TSPAN5: variants seen among roughly 807,000 people sequenced by gnomAD.
The protein encoded by TSPAN5 is tetraspanin-5.
TSPAN5 carries 10 observed loss-of-function variants against 37.1 expected under a neutral mutation model. That is an observed-to-expected ratio of 0.27 (90% confidence interval 0.17 to 0.46). The LOEUF (loss-of-function observed/expected upper bound fraction) is 0.46, where lower values mean the gene tolerates loss of function less well. Among genes scored for constraint, TSPAN5 ranks in the 20% least tolerant of loss-of-function variants. The pLI, the probability that TSPAN5 is intolerant of heterozygous loss-of-function variation, is 1.00. For missense variants in TSPAN5, 195 were observed against 326.6 expected, an observed-to-expected ratio of 0.60 and a Z score of 3.11; for synonymous variants, 110 against 118.9, an observed-to-expected ratio of 0.93 and a Z score of 0.48.
chr4:98,591,781 C>T (rs1203214762), intron 1 of TSPAN5, among the ~76,000 whole-genome samples: 2 of 150,672 alleles, frequency 1.3e-5, no homozygotes, highest in African/African-American at 2.4e-5. Flanking sequence ...ACATGCATTA[C>T]GTTCCCATTA....
intron 2 of TSPAN5, among the ~76,000 whole-genome samples, chr4:98,500,935 T>A (rs897833610): frequency 6.6e-6 from 1 of 152,090 alleles, no homozygotes; most frequent in Non-Finnish European, 1.5e-5. Flanking sequence ...AATGGGAACA[T>A]TCAATTCACA....
chr4:98,485,429 G>T (rs1752939039), intron 3 of TSPAN5: 1 of 152,336 alleles, frequency 6.6e-6, no homozygotes, highest in African/African-American at 2.4e-5. Context: ...GGAAGGATCT[G>T]GCAGATAAGG....
At chr4:98,569,276 A>T (rs1755069133) in intron 1 of TSPAN5, among the ~76,000 whole-genome samples, 1 of 152,240 alleles carries the variant, frequency 6.6e-6, no homozygotes. Context: ...ATTTTAAGGC[A>T]GTAAGCAGAC....
At chr4:98,611,929 T>A (rs1553917289) in intron 1 of TSPAN5, among the ~76,000 whole-genome samples, 1 of 152,206 alleles carries the variant, frequency 6.6e-6, no homozygotes, top group Non-Finnish European at 1.5e-5. Flanking sequence ...CCACCCTCAT[T>A]TGCCCTTCAG....
intron 1 of TSPAN5, among the ~76,000 whole-genome samples, chr4:98,547,977 A>G (rs1362054915): frequency 7.0e-6 from 1 of 143,588 alleles, no homozygotes; most frequent in Admixed American, 7.5e-5. Context: ...ATGCCACTAC[A>G]CTCCAGCCTG....
chr4:98,612,079 C>T (rs188500225), intron 1 of TSPAN5, among the ~76,000 whole-genome samples: 2 of 152,360 alleles, frequency 1.3e-5, no homozygotes, highest in Admixed American at 1.3e-4. Context: ...CAGACACTGT[C>T]ACCTGTCAGT....
chr4:98,561,755 G>A (rs1047679056), intron 1 of TSPAN5, among the ~76,000 whole-genome samples: 8 of 152,214 alleles, frequency 5.3e-5, no homozygotes, highest in African/African-American at 7.2e-5. Flanking sequence ...TCTGTTATGC[G>A]CTGAGCACTA....
chr4:98,545,479 AC>A, intron 1 of TSPAN5, among the ~76,000 whole-genome samples: 1 of 152,292 alleles, frequency 6.6e-6, no homozygotes. Context: ...TTTTCATTTA[AC>A]CACACTGCTT....
At chr4:98,533,317 C>T (rs1444735386) in intron 1 of TSPAN5, among the ~76,000 whole-genome samples, 1 of 151,914 alleles carries the variant, frequency 6.6e-6, no homozygotes, top group African/African-American at 2.4e-5. Flanking sequence ...TCCATCTGGT[C>T]CTGGACATTT....
chr4:98,491,841 G>C (rs1165534137), intron 2 of TSPAN5, among the ~76,000 whole-genome samples: 1 of 152,166 alleles, frequency 6.6e-6, no homozygotes, highest in Non-Finnish European at 1.5e-5. Context: ...TGACAGATGA[G>C]TAAGAAGTGC....
chr4:98,546,962 A>T (rs1007668688), intron 1 of TSPAN5, among the ~76,000 whole-genome samples: 4 of 152,254 alleles, frequency 2.6e-5, no homozygotes, highest in Admixed American at 2.0e-4. Context: ...AATGAGGTCC[A>T]TGCAGCAGAC....
intron 2 of TSPAN5, among the ~76,000 whole-genome samples, chr4:98,498,185 C>A (rs1753259302): frequency 6.6e-6 from 1 of 152,142 alleles, no homozygotes; most frequent in African/African-American, 2.4e-5. Flanking sequence ...ACCAGCCAGG[C>A]AGGCACTCTT....
At chr4:98,524,799 A>C (rs1018768281) in intron 1 of TSPAN5, among the ~76,000 whole-genome samples, 3 of 152,142 alleles carry the variant, frequency 2.0e-5, no homozygotes, top group African/African-American at 7.2e-5. Flanking sequence ...CTGACTATGA[A>C]TAGATTTACT....
rs1048484634 is a variant in TSPAN5 at position 98,649,068 on chromosome 4, C to T, written c.81+9078G>A. Among the ~76,000 whole-genome samples, 6 of 152,318 alleles carry T rather than the reference C, an allele frequency of 3.9e-5. No individual in the cohort carries two copies. The East Asian group carries it at 9.6e-4, about 24-fold the overall frequency. ...AGAGATTCCAAGAGATAAAAACCCA[C>T]ACGAGGAGTAATTTTTTTAAAAATG... On this transcript the variant is annotated intron_variant, in intron 1 of 7. Coordinates refer to ENST00000305798, the MANE Select transcript of TSPAN5 (RefSeq NM_005723.4).
intron 1 of TSPAN5, among the ~76,000 whole-genome samples, chr4:98,616,987 C>T (rs144634697): frequency 5.3e-5 from 8 of 152,048 alleles, no homozygotes; most frequent in African/African-American, 1.9e-4. Context: ...CCATGCCTGG[C>T]TAATTCTTTT....
chr4:98,561,602 G>A (rs1289069234), intron 1 of TSPAN5, among the ~76,000 whole-genome samples: 3 of 152,218 alleles, frequency 2.0e-5, no homozygotes, highest in Non-Finnish European at 4.4e-5. Flanking sequence ...TAAGGGCCTG[G>A]TAGGATGGTT....
chr4:98,546,999 C>G (rs1000780936), intron 1 of TSPAN5, among the ~76,000 whole-genome samples: 1 of 152,228 alleles, frequency 6.6e-6, no homozygotes, highest in Non-Finnish European at 1.5e-5. Flanking sequence ...CTCGGAGCAG[C>G]TCCCCAGGCA....
intron 1 of TSPAN5, among the ~76,000 whole-genome samples, chr4:98,624,075 A>T (rs1756537825): frequency 6.6e-6 from 1 of 152,182 alleles, no homozygotes; most frequent in South Asian, 2.1e-4. Context: ...GAAAAAAAGT[A>T]ATAAAATCAT....
In TSPAN5 at chr4:98,646,913, CGA is replaced by C. The variant is rs533258448; in HGVS notation, c.81+11231_81+11232del. ...TTAACTCCTCAAATCCTCAGGATTC[CGA>C]GATAGACGTTATCTTAATACTACTA... On this transcript the variant is annotated intron_variant, in intron 1 of 7. Transcript: ENST00000305798. Among the ~76,000 whole-genome samples the C allele has an allele frequency of 3.9e-5, 6 of 152,206 alleles. No individual in the cohort carries two copies. The South Asian group carries it at 8.3e-4, about 21-fold the overall frequency.
Sources: gnomAD v4.1 joint callset for allele counts (sites outside exome capture counted in the v4.1 genomes callset) on GRCh38, gnomAD v4.1.1 for gene constraint, MANE v1.5 for transcripts, NCBI Gene and HGNC (gene_info 2026-07-23, HGNC 2026-07-21) for gene names.